Variants in TTC39A observed in about 807,000 individuals in gnomAD.
The protein encoded by TTC39A is tetratricopeptide repeat domain 39A, also known as tetratricopeptide repeat protein 39A.
TTC39A carries 46 observed loss-of-function variants against 82.3 expected under a neutral mutation model. The observed-to-expected ratio is 0.56, with a 90% CI of 0.44 to 0.71. TTC39A has a LOEUF of 0.71. Among genes scored for constraint, TTC39A ranks in the 30% least tolerant of loss-of-function variants. The pLI is 0.00. For synonymous variants in TTC39A, 254 were observed against 275.2 expected (o/e 0.92, Z 0.76); for missense variants, 543 against 712.9 (o/e 0.76, Z 2.71).
intron 2 of TTC39A, among the ~76,000 whole-genome samples, chr1:51,313,660 T>C (rs1645172938): frequency 6.6e-6 from 1 of 152,056 alleles, no homozygotes; most frequent in East Asian, 1.9e-4. Context: ...AAATCCCACA[T>C]TTCCCTCCTC....
chr1:51,309,922 A>T (rs1645020913), intron 5 of TTC39A, among the ~76,000 whole-genome samples: 1 of 152,220 alleles, frequency 6.6e-6, no homozygotes, highest in South Asian at 2.1e-4. Flanking sequence ...GAAGAAAGCA[A>T]GACCCACACC....
chr1:51,338,279 G>A (rs74080543), intron 1 of TTC39A, among the ~76,000 whole-genome samples: 9,775 of 152,136 alleles, frequency 0.064, 1,013 homozygotes, highest in African/African-American at 0.22. Context: ...CTATAATCCA[G>A]GGCAACACTC....
chr1:51,340,992 T>G (rs1646029325), intron 1 of TTC39A, among the ~76,000 whole-genome samples: 2 of 152,076 alleles, frequency 1.3e-5, no homozygotes, highest in Admixed American at 6.6e-5. Context: ...GCCAACATGG[T>G]GAAACCCCCT....
rs777322539 is a variant in TTC39A, at chr1:51,288,798, C to T, written c.1610+41G>A. 1.6e-5 allele frequency: 25 copies of T among 1,548,026 alleles called. No individual in the cohort carries two copies. The East Asian group carries it at 5.7e-4, about 35-fold the overall frequency. On this transcript the variant is annotated intron_variant, in intron 17 of 17. Coordinates refer to ENST00000680483, the MANE Select transcript of TTC39A (RefSeq NM_001297663.2). The surrounding 1 kb of genome is among the most constrained non-coding windows in gnomAD (Gnocchi z 4.8). The stretch of plus-strand genomic sequence containing the variant: ...CCCCAGCCAGCTCCTGAGCTGAGTT[C>T]AGAGGGAGCAAAGGACAGACTGAGG...
intron 8 of TTC39A, among the ~76,000 whole-genome samples, chr1:51,304,042 T>TTCTA (rs1245931951): frequency 6.6e-6 from 1 of 152,212 alleles, no homozygotes; most frequent in Non-Finnish European, 1.5e-5. Context: ...TCTGTTATCT[T>TTCTA]TCTATCCTTT....
At chr1:51,341,913 T>A (rs1437944214) in intron 1 of TTC39A, among the ~76,000 whole-genome samples, 1 of 152,144 alleles carries the variant, frequency 6.6e-6, no homozygotes, top group Non-Finnish European at 1.5e-5. Context: ...ATCTGAGAGC[T>A]CCTCCAGCTC....
In TTC39A at chr1:51,306,094, G is replaced by C. The variant is rs185998010; in HGVS notation, c.489-18C>G. 2,267 of 1,607,662 alleles carry C rather than the reference G, an allele frequency of 1.4e-3. 48 individuals are homozygous for C. The Admixed American group carries it at 0.033, about 23-fold the overall frequency. ...CCAGCTCCCTGCAGAGAGATGCCAA[G>C]TCCTGTTTCAGCCACTGCTGGGGGT... On this transcript the variant is annotated intron_variant, in intron 6 of 17. Transcript: ENST00000680483.
At chr1:51,316,287 G>A (rs985819915) in intron 2 of TTC39A, among the ~76,000 whole-genome samples, 4 of 152,144 alleles carry the variant, frequency 2.6e-5, no homozygotes, top group Admixed American at 2.6e-4. Flanking sequence ...TCATCACACA[G>A]AATGGCTCTG....
At chr1:51,307,488 C>A (rs1394391088) in intron 6 of TTC39A, among the ~76,000 whole-genome samples, 2 of 152,178 alleles carry the variant, frequency 1.3e-5, no homozygotes, top group Non-Finnish European at 2.9e-5. Context: ...AATCCCAGCA[C>A]TTTGGGAGGC....
rs190676603 is a variant in TTC39A, at chr1:51,303,880, C to T, written c.655-688G>A. On this transcript the variant is annotated intron_variant, in intron 8 of 17. Transcript: ENST00000680483. ...CTTCATCCTGAAATCCTACTCATGA[C>T]CCATGCGCTTTCTTAAGGAAACAAA... Among the ~76,000 whole-genome samples, 7 of 152,320 alleles carry T rather than the reference C, an allele frequency of 4.6e-5. No homozygotes were observed. The East Asian group carries it at 1.4e-3, about 29-fold the overall frequency.
Position 51,311,054 on chromosome 1 carries a change from T to G in TTC39A, c.423+200A>C, listed in dbSNP as rs576653698. ...ATGGTGGGAGCGTGTGTACTCAGGATGTGAGGAGATGATGCCCATCACTTC... is the reference window on the plus strand; with the variant it reads ...ATGGTGGGAGCGTGTGTACTCAGGAGGTGAGGAGATGATGCCCATCACTTC... On this transcript the variant is annotated intron_variant, in intron 5 of 17. Transcript: ENST00000680483. Among the ~76,000 whole-genome samples, 6 of 152,284 alleles carry G rather than the reference T, an allele frequency of 3.9e-5. No individual in the cohort carries two copies. The South Asian group carries it at 1.2e-3, about 32-fold the overall frequency.
intron 13 of TTC39A, chr1:51,295,775 T>C: frequency 2.2e-6 from 1 of 451,978 alleles, no homozygotes; most frequent in East Asian, 4.0e-5. Context: ...TCCCTGGACC[T>C]TGGAGCCACA....
chr1:51,311,235 T>C lies in TTC39A; in HGVS notation c.423+19A>G. ...ATCTTCTGAAATCCCAGCCTCTTTG[T>C]ACAAGTGGGGGTCCCTACCTGCAGG... On this transcript the variant is annotated intron_variant, in intron 5 of 17. Transcript: ENST00000680483. The C allele has an allele frequency of 1.9e-6, 3 of 1,566,460 alleles. No homozygotes were observed. The highest frequency in any genetic ancestry group is 2.6e-6 in the Non-Finnish European group (3 of 1,155,364).
rs142691258 is a variant in TTC39A, at chr1:51,341,562, T to C, written c.53+3429A>G. On this transcript the variant is annotated intron_variant, in intron 1 of 5. Coordinates refer to the TTC39A transcript ENST00000401051. ...TAACTGATAGTGGGACAAAGGTTGC[T>C]TGAATGTCTTTCAAGTTCTTGTCAC... Among the ~76,000 whole-genome samples the C allele has an allele frequency of 1.7e-3, 265 of 152,274 alleles. 1 individual carries two copies. The highest frequency in any genetic ancestry group is 5.8e-3 in the African/African-American group (239 of 41,554).
In TTC39A at chr1:51,296,136, C is replaced by G; in HGVS notation, c.1088G>C (p.Ser363Thr). The change falls in exon 13 of 18, where the codon AGC becomes ACC. Residue 363 changes from serine (S) to threonine (T), a missense_variant. Physicochemically the swap from Ser to Thr is moderately conservative, Grantham distance 58. Coordinates refer to ENST00000680483, the MANE Select transcript of TTC39A (RefSeq NM_001297663.2). ...TYIYMKAAYL[S>T]MFGKEDHKPF... The stretch of plus-strand genomic sequence containing the variant: ...CTTGTGGTCCTCCTTCCCAAACATG[C>G]TGAGGTAGGCGGCCTTCATGTAAAT... The G allele has an allele frequency of 6.3e-7, 1 of 1,599,710 alleles. No individual in the cohort carries two copies.
chr1:51,290,106 TGA>T lies in TTC39A; in HGVS notation c.1390_1391del (p.Val465GlyfsTer2). 6.2e-7 allele frequency: 1 copy of T among 1,613,758 alleles called. No individual in the cohort carries two copies. The highest frequency in any genetic ancestry group is 8.5e-7 in the Non-Finnish European group (1 of 1,179,794). On this transcript the variant is annotated frameshift_variant, in exon 16 of 18. Transcript: ENST00000680483. LOFTEE classifies it high-confidence loss of function. ...ATTTCACCAAGCACTCGTCATCCAC[TGA>T]GTACTCGTTCTCTGAAAATAGGGAT... ...MLEKGPENEY[S>X]VDDECLVKLL... is the part of the protein sequence containing the mutation.
chr1:51,334,195 CA>C (rs763569273), upstream of TTC39A, among the ~76,000 whole-genome samples: 230 of 38,064 alleles, frequency 6.0e-3, no homozygotes, highest in African/African-American at 0.015. Context: ...CCTGTCTCTA[CA>C]AAAAAAAAAA....
At position 51,288,806 on chromosome 1, in the gene TTC39A, G is replaced by C; in HGVS notation, c.1610+33C>G. ...AGCTCCTGAGCTGAGTTCAGAGGGA[G>C]CAAAGGACAGACTGAGGTTACCCAA... On this transcript the variant is annotated intron_variant, in intron 17 of 17. Transcript: ENST00000680483. The surrounding 1 kb of genome is among the most constrained non-coding windows in gnomAD (Gnocchi z 4.8). 1 of 1,559,540 alleles carries C rather than the reference G, an allele frequency of 6.4e-7. No individual in the cohort carries two copies. The highest frequency in any genetic ancestry group is 2.3e-5 in the East Asian group (1 of 42,648).
chr1:51,319,956 C>T (rs1023097712), intron 2 of TTC39A, among the ~76,000 whole-genome samples: 1 of 152,130 alleles, frequency 6.6e-6, no homozygotes, highest in African/African-American at 2.4e-5. Context: ...TCCCAAAGTG[C>T]TGGGATTACA....
Sources: gnomAD v4.1 joint callset for allele counts (sites outside exome capture counted in the v4.1 genomes callset) on GRCh38, gnomAD v4.1.1 for gene constraint, Gnocchi (gnomAD v3.1) non-coding constraint, MANE v1.5 for transcripts, NCBI Gene and HGNC (gene_info 2026-07-23, HGNC 2026-07-21) for gene names.